KALRN: variants seen among roughly 807,000 people sequenced by gnomAD.
The protein encoded by KALRN is kalirin RhoGEF kinase.
Under a neutral mutation model 353.7 loss-of-function variants are expected in KALRN, and 70 were observed. The observed-to-expected ratio is 0.20, with a 90% confidence interval of 0.16 to 0.24. KALRN has a LOEUF of 0.24. KALRN is among the 10% of genes least tolerant of loss of function. The pLI, the probability that KALRN is intolerant of heterozygous loss-of-function variation, is 1.00. For missense variants in KALRN, 2,791 were observed against 3,756.7 expected (o/e 0.74, Z 6.72); for synonymous variants, 1,391 against 1,434.8 (o/e 0.97, Z 0.69).
intron 1 of KALRN, chr3:124,099,394 C>CT (rs1404483025): frequency 3.9e-5 from 6 of 152,070 alleles, no homozygotes; most frequent in Non-Finnish European, 8.8e-5. Context: ...ACAGGATTTC[C>CT]TTTTTATAGG....
chr3:124,193,832 T>A (rs182660017), intron 1 of KALRN, among the ~76,000 whole-genome samples: 103 of 152,360 alleles, frequency 6.8e-4, no homozygotes, highest in Admixed American at 4.0e-3. Context: ...ATATCTATTT[T>A]TGCATCCAGT....
chr3:124,366,466 A>C (rs1467382775), intron 10 of KALRN, among the ~76,000 whole-genome samples: 1 of 149,332 alleles, frequency 6.7e-6, no homozygotes, highest in Non-Finnish European at 1.5e-5. Flanking sequence ...ACCACCCTTA[A>C]TCCATTTAAC....
intron 25 of KALRN, among the ~76,000 whole-genome samples, chr3:124,468,885 G>A (rs1439091830): frequency 6.6e-6 from 1 of 152,210 alleles, no homozygotes; most frequent in African/African-American, 2.4e-5. Flanking sequence ...TGTTACTGTT[G>A]TTTGTGTTTT....
intron 3 of KALRN, among the ~76,000 whole-genome samples, chr3:124,261,897 A>C (rs1283400253): frequency 6.6e-6 from 1 of 152,208 alleles, no homozygotes. Context: ...CCTAAATCCC[A>C]ATAGAAAGCC....
intron 37 of KALRN, among the ~76,000 whole-genome samples, chr3:124,646,119 T>A (rs1578620573): frequency 6.6e-6 from 1 of 152,146 alleles, no homozygotes; most frequent in South Asian, 2.1e-4. Flanking sequence ...GATTGGTTGG[T>A]GTGGTAGGTG....
intron 21 of KALRN, among the ~76,000 whole-genome samples, chr3:124,453,815 G>A (rs141008115): frequency 3.3e-5 from 5 of 152,150 alleles, no homozygotes; most frequent in South Asian, 4.2e-4. Context: ...CTGCTTCTCC[G>A]TGAGACCTCC....
intron 34 of KALRN, among the ~76,000 whole-genome samples, chr3:124,566,135 A>G (rs779729871): frequency 3.9e-5 from 6 of 152,294 alleles, no homozygotes; most frequent in South Asian, 2.1e-4. Context: ...TTCAAATGGC[A>G]TCCTGTGAGG....
At chr3:124,628,560 C>G (rs2080365570) in intron 34 of KALRN, among the ~76,000 whole-genome samples, 1 of 50,518 alleles carries the variant, frequency 2.0e-5, no homozygotes, top group Non-Finnish European at 4.5e-5. Context: ...TCTTTCTTTT[C>G]TTTTCTTTTC....
At chr3:124,700,673 C>G (rs2150674856) in intron 56 of KALRN, among the ~76,000 whole-genome samples, 1 of 152,214 alleles carries the variant, frequency 6.6e-6, no homozygotes, top group South Asian at 2.1e-4. Flanking sequence ...AAGAAATCTC[C>G]AAATGGTGAG....
intron 1 of KALRN, among the ~76,000 whole-genome samples, chr3:124,206,454 C>T (rs2076421111): frequency 1.3e-5 from 2 of 152,178 alleles, no homozygotes; most frequent in Admixed American, 6.5e-5. Context: ...ATGTAACAGT[C>T]GTGTGCTTCA....
intron 1 of KALRN, among the ~76,000 whole-genome samples, chr3:124,181,530 T>C (rs1030800545): frequency 6.6e-6 from 1 of 152,208 alleles, no homozygotes; most frequent in Non-Finnish European, 1.5e-5. Context: ...TTATTAGCTC[T>C]AATTTACTAC....
chr3:124,109,656 G>C (rs1168862302), intron 1 of KALRN, among the ~76,000 whole-genome samples: 1 of 150,134 alleles, frequency 6.7e-6, no homozygotes, highest in East Asian at 2.0e-4. Flanking sequence ...TATTTACCAT[G>C]TACCACATGA....
At chr3:124,356,304 A>C (rs184002203) in intron 10 of KALRN, among the ~76,000 whole-genome samples, 3 of 142,748 alleles carry the variant, frequency 2.1e-5, no homozygotes, top group African/African-American at 7.7e-5. Flanking sequence ...CACTGAACAG[A>C]TTGTTCTCTT....
At chr3:124,423,184 C>A (rs1011937483) in intron 15 of KALRN, among the ~76,000 whole-genome samples, 6 of 152,216 alleles carry the variant, frequency 3.9e-5, no homozygotes, top group Admixed American at 3.3e-4. Flanking sequence ...GATACAATGG[C>A]TCAAACAACA....
chr3:124,100,723 G>A (rs2061791692), intron 1 of KALRN, among the ~76,000 whole-genome samples: 1 of 152,174 alleles, frequency 6.6e-6, no homozygotes, highest in Non-Finnish European at 1.5e-5. Context: ...TTTGGATTCT[G>A]GACCAGAAAC....
At chr3:124,380,732 G>A (rs1576449979) in intron 10 of KALRN, among the ~76,000 whole-genome samples, 1 of 152,150 alleles carries the variant, frequency 6.6e-6, no homozygotes, top group Admixed American at 6.6e-5. Context: ...CCCCAATTTG[G>A]GGGTATTGAC....
intron 3 of KALRN, among the ~76,000 whole-genome samples, chr3:124,247,826 T>G (rs2070536184): frequency 6.6e-6 from 1 of 152,148 alleles, no homozygotes; most frequent in African/African-American, 2.4e-5. Flanking sequence ...AGCTTGGGTG[T>G]AGGCACTCAT....
At chr3:124,034,935 T>C (rs565258936) in intron 1 of KALRN, among the ~76,000 whole-genome samples, 2 of 152,156 alleles carry the variant, frequency 1.3e-5, no homozygotes, top group Admixed American at 6.5e-5. Context: ...TCCATCTGTT[T>C]CCTAACCCTG....
At chr3:124,092,585 A>G (rs183078724) in intron 1 of KALRN, among the ~76,000 whole-genome samples, 76 of 152,340 alleles carry the variant, frequency 5.0e-4, no homozygotes, top group African/African-American at 1.8e-3. Flanking sequence ...CTGTTAGGAA[A>G]CAGCAGTGTT....
Sources: allele counts gnomAD v4.1 joint callset (sites outside exome capture counted in the v4.1 genomes callset), GRCh38; gene constraint gnomAD v4.1.1; transcripts MANE v1.5; gene names NCBI Gene and HGNC (gene_info 2026-07-23, HGNC 2026-07-21).